Variants in DIPK1A observed in about 807,000 individuals in gnomAD.
DIPK1A encodes family with sequence similarity 69 member A.
A neutral mutation model predicts 40.8 loss-of-function variants in DIPK1A; 27 were observed. The ratio of observed to expected loss-of-function variants is 0.66; its 90% CI spans 0.49 to 0.91. DIPK1A has a LOEUF of 0.91. Ranked by LOEUF, DIPK1A falls within the 40% of genes least tolerant of loss-of-function variation. The pLI is 0.00. For synonymous variants in DIPK1A, 166 were observed against 171.3 expected (o/e 0.97, Z 0.24); for missense variants, 412 against 505.7 (o/e 0.81, Z 1.78).
chr1:92,840,560 A>T, downstream of DIPK1A: 1 of 1,612,396 alleles, frequency 6.2e-7, no homozygotes, highest in Non-Finnish European at 8.5e-7. Context: ...GATGGAGGAG[A>T]TGTATAAGAA....
intron 1 of DIPK1A, chr1:92,877,262 C>G: frequency 2.6e-6 from 1 of 381,014 alleles, no homozygotes; most frequent in Non-Finnish European, 3.6e-6. Flanking sequence ...TTGATCAAGA[C>G]TATTTGACAT....
chr1:92,880,032 G>T (rs939571384), intron 1 of DIPK1A, among the ~76,000 whole-genome samples: 1 of 152,210 alleles, frequency 6.6e-6, no homozygotes, highest in Admixed American at 6.5e-5. Flanking sequence ...TTGCCCCACA[G>T]GGGACACTTG....
At chr1:92,940,536 A>G (rs1456953555) in intron 1 of DIPK1A, among the ~76,000 whole-genome samples, 2 of 152,206 alleles carry the variant, frequency 1.3e-5, no homozygotes, top group Non-Finnish European at 2.9e-5. Context: ...TCTGATATTT[A>G]AGATTCTGAT....
chr1:92,944,394 C>A (rs1251444246), intron 1 of DIPK1A, among the ~76,000 whole-genome samples: 1 of 152,072 alleles, frequency 6.6e-6, no homozygotes, highest in East Asian at 1.9e-4. Context: ...ATAAAAGAAC[C>A]CTATTTATAC....
In DIPK1A at chr1:92,860,646, A is replaced by AAATAGCCAGGTG. The variant is rs148916481; in HGVS notation, c.190-9692_190-9691insCACCTGGCTATT. On this transcript the variant is annotated intron_variant, in intron 2 of 4. Coordinates refer to ENST00000370310, the MANE Select transcript of DIPK1A (RefSeq NM_001006605.5). Reference sequence around the variant, plus strand: ...TTCTACTAAAAAAAAAAAAAAAAAAATGGTGGTGTGCACCTTAGTCCCAGC... The same window carrying AAATAGCCAGGTG: ...TTCTACTAAAAAAAAAAAAAAAAAAAAATAGCCAGGTGTGGTGGTGTGCACCTTAGTCCCAGC... Among the ~76,000 whole-genome samples, 11 of 105,212 alleles carry AAATAGCCAGGTG rather than the reference A, an allele frequency of 1.0e-4. 1 individual carries two copies. Among genetic ancestry groups the AAATAGCCAGGTG allele is most frequent in the Admixed American group, 1.2e-4 (1 of 8,394 alleles). The allele number at this position is 105,212 out of a possible 152,430, so 69.0% of individuals were successfully genotyped here. A position where few individuals can be genotyped will look rare whatever the true frequency, so the allele number is the denominator to read the frequency against.
intron 1 of DIPK1A, among the ~76,000 whole-genome samples, chr1:92,921,173 TA>T (rs1650255787): frequency 1.3e-5 from 2 of 152,134 alleles, no homozygotes; most frequent in African/African-American, 4.8e-5. Flanking sequence ...TATTTTTTTT[TA>T]ATCCCAAGTT....
rs2811592 is a variant in DIPK1A, at chr1:92,889,938, C to T, written c.55-13508G>A. On this transcript the variant is annotated intron_variant, in intron 1 of 4. Transcript: ENST00000370310. The stretch of plus-strand genomic sequence containing the variant: ...GTGCTGAGATTACAGGCGTGAGCCA[C>T]CATGCCCAGCTGTCTTTCCATTTTT... Among the ~76,000 whole-genome samples the T allele has an allele frequency of 4.5e-3, 680 of 152,306 alleles. 6 individuals are homozygous for T. Among genetic ancestry groups the T allele is most frequent in the African/African-American group, 0.016 (648 of 41,566 alleles).
chr1:92,849,087 C>T (rs1297623982), intron 3 of DIPK1A, among the ~76,000 whole-genome samples: 1 of 152,050 alleles, frequency 6.6e-6, no homozygotes, highest in Non-Finnish European at 1.5e-5. Context: ...GTCCTTTTCC[C>T]ATGCCTATGA....
downstream of DIPK1A, among the ~76,000 whole-genome samples, chr1:92,839,789 CAAG>C (rs1318501270): frequency 4.6e-5 from 7 of 152,138 alleles, no homozygotes; most frequent in African/African-American, 1.2e-4. Context: ...TAGAGTGACT[CAAG>C]AAGTGTGGCT....
chr1:92,928,329 A>G (rs2100866739), intron 1 of DIPK1A, among the ~76,000 whole-genome samples: 1 of 152,358 alleles, frequency 6.6e-6, no homozygotes. Context: ...GCATTATTCT[A>G]TTTATCCCAA....
At chr1:92,921,596 T>C (rs1428750625) in intron 1 of DIPK1A, among the ~76,000 whole-genome samples, 3 of 152,178 alleles carry the variant, frequency 2.0e-5, no homozygotes, top group Non-Finnish European at 4.4e-5. Context: ...GGAGAGCAAC[T>C]GTGCGTCAGT....
chr1:92,955,723 GAAAGAAA>G (rs966068001), intron 1 of DIPK1A, among the ~76,000 whole-genome samples: 3 of 147,062 alleles, frequency 2.0e-5, no homozygotes, highest in African/African-American at 7.5e-5. Context: ...GAAAAGAAAA[GAAAGAAA>G]AAAGAAAAAA....
At chr1:92,850,644 G>A (rs1489693219) in intron 3 of DIPK1A, among the ~76,000 whole-genome samples, 1 of 152,154 alleles carries the variant, frequency 6.6e-6, no homozygotes, top group Non-Finnish European at 1.5e-5. Context: ...TCTCACCACT[G>A]TACTCCAGCC....
intron 1 of DIPK1A, among the ~76,000 whole-genome samples, chr1:92,889,303 A>G (rs925223357): frequency 1.3e-5 from 2 of 152,162 alleles, no homozygotes; most frequent in African/African-American, 4.8e-5. Flanking sequence ...TTCATCAAAT[A>G]TCAGATAGCT....
chr1:92,877,817 T>C (rs997149226), intron 1 of DIPK1A, among the ~76,000 whole-genome samples: 3 of 152,360 alleles, frequency 2.0e-5, no homozygotes, highest in South Asian at 4.1e-4. Context: ...ATGACTCGTC[T>C]CTAATAAGAG....
At chr1:92,876,710 G>A (rs1023619300) in intron 1 of DIPK1A, among the ~76,000 whole-genome samples, 1 of 152,096 alleles carries the variant, frequency 6.6e-6, no homozygotes, top group African/African-American at 2.4e-5. Flanking sequence ...TTAGGCACAA[G>A]CACATGTACC....
At chr1:92,941,883 A>T (rs1284685863) in intron 1 of DIPK1A, among the ~76,000 whole-genome samples, 1 of 151,994 alleles carries the variant, frequency 6.6e-6, no homozygotes, top group African/African-American at 2.4e-5. Flanking sequence ...CCAGCTACTC[A>T]GGAGGCTGAG....
intron 4 of DIPK1A, among the ~76,000 whole-genome samples, chr1:92,845,268 T>A (rs185984249): frequency 1.2e-3 from 178 of 144,566 alleles, no homozygotes; most frequent in African/African-American, 4.1e-3. Context: ...TCCTTTAAAT[T>A]AAAAAAATAA....
chr1:92,931,211 T>G (rs1280991470), intron 1 of DIPK1A: 1 of 152,696 alleles, frequency 6.5e-6, no homozygotes, highest in Non-Finnish European at 1.5e-5. Flanking sequence ...GTAACCAAGA[T>G]GTCCTTCAGT....
Sources: allele counts gnomAD v4.1 joint callset (sites outside exome capture counted in the v4.1 genomes callset), GRCh38; gene constraint gnomAD v4.1.1; transcripts MANE v1.5; gene names NCBI Gene and HGNC (gene_info 2026-07-23, HGNC 2026-07-21).